RNF19B: variants seen among roughly 807,000 people sequenced by gnomAD.
RNF19B encodes ring finger protein 19B.
A neutral mutation model predicts 65.5 loss-of-function variants in RNF19B; 23 were observed. The ratio of observed to expected loss-of-function variants is 0.35; its 90% CI spans 0.25 to 0.50. The LOEUF (loss-of-function observed/expected upper bound fraction) is 0.50, where lower values mean the gene tolerates loss of function less well. Among genes scored for constraint, RNF19B ranks in the 20% least tolerant of loss-of-function variants. The pLI, the probability that RNF19B is intolerant of heterozygous loss-of-function variation, is 0.98. For missense variants in RNF19B, 794 were observed against 980.0 expected (o/e 0.81, Z 2.53); for synonymous variants, 372 against 379.6 (o/e 0.98, Z 0.23).
At chr1:32,937,297 G>T in intron 8 of RNF19B, 38 bp from the exon 9 acceptor site, 1 of 1,611,478 alleles carries the variant, frequency 6.2e-7, no homozygotes, top group East Asian at 2.2e-5. Context: ...GTCATGCATG[G>T]ATCATGCTAA....
intron 1 of RNF19B, among the ~76,000 whole-genome samples, chr1:32,959,361 TCA>T (rs1642716554): frequency 6.6e-6 from 1 of 152,196 alleles, no homozygotes; most frequent in Non-Finnish European, 1.5e-5. Flanking sequence ...TGCTCACCCG[TCA>T]GTCTCCTAGA....
intron 1 of RNF19B, among the ~76,000 whole-genome samples, chr1:32,950,269 G>A (rs1642463091): frequency 6.6e-6 from 1 of 151,924 alleles, no homozygotes. Flanking sequence ...CACCATGCCT[G>A]GCTATAAATT....
At position 32,936,585 on chromosome 1, in the gene RNF19B, T is replaced by G. The variant is rs1002508825; in HGVS notation, c.*221A>C. On this transcript the variant is annotated 3_prime_UTR_variant, in exon 9 of 9. Coordinates refer to ENST00000235150, the MANE Select transcript of RNF19B (RefSeq NM_001300826.2). ...ATCAGTTTAACCAATAAATTAAAAC[T>G]AAAAAGAGGGAGGGGAGGGGAGGGG... is the stretch of plus-strand genomic sequence containing the variant. 77 of 468,804 alleles carry G rather than the reference T, an allele frequency of 1.6e-4. No individual in the cohort carries two copies. The highest frequency in any genetic ancestry group is 5.5e-4 in the Middle Eastern group (1 of 1,824). The allele number at this position is 468,804 out of a possible 1,614,324, so 29.0% of individuals were successfully genotyped here.
chr1:32,956,741 AAG>A (rs1490544824), intron 1 of RNF19B, among the ~76,000 whole-genome samples: 5 of 129,850 alleles, frequency 3.9e-5, no homozygotes, highest in Non-Finnish European at 8.2e-5. Context: ...CAGCCCTGGA[AAG>A]AGATTTCCAT....
intron 1 of RNF19B, among the ~76,000 whole-genome samples, chr1:32,955,426 A>G (rs932034015): frequency 6.6e-6 from 1 of 151,960 alleles, no homozygotes; most frequent in Non-Finnish European, 1.5e-5. Flanking sequence ...TTCTTCCCGA[A>G]TAGTTGGAAA....
chr1:32,942,455 T>C lies in RNF19B; in HGVS notation c.1407A>G (p.Ala469=), dbSNP rs1642259359. The part of the protein sequence containing the change: ...FDEDDGPITV[A]DAWRALKNPS... ...GATTCTTGAGGGCTCTCCAGGCATC[T>C]GCCACTGGGGATAGAACCAAACATC... Residue 469 remains alanine, a synonymous_variant, in exon 7 of 9, where the codon GCA becomes GCG. Coordinates refer to ENST00000235150, the MANE Select transcript of RNF19B (RefSeq NM_001300826.2). The C allele has an allele frequency of 6.2e-7, 1 of 1,613,672 alleles. No individual in the cohort carries two copies. Among genetic ancestry groups the C allele is most frequent in the Non-Finnish European group, 8.5e-7 (1 of 1,179,586 alleles).
downstream of RNF19B, among the ~76,000 whole-genome samples, chr1:32,933,435 T>C (rs1642053571): frequency 6.6e-6 from 1 of 152,100 alleles, no homozygotes; most frequent in Non-Finnish European, 1.5e-5. Context: ...TGTGTATTTT[T>C]AGTAGAGACG....
At chr1:32,943,973 C>G in intron 6 of RNF19B, 46 bp downstream of exon 6, 4 of 1,563,814 alleles carry the variant, frequency 2.6e-6, no homozygotes, top group Non-Finnish European at 3.5e-6. Context: ...TGATTTTTAT[C>G]TTGTATATCA....
At chr1:32,951,418 C>T (rs922574068) in intron 1 of RNF19B, among the ~76,000 whole-genome samples, 1 of 152,224 alleles carries the variant, frequency 6.6e-6, no homozygotes, top group African/African-American at 2.4e-5. Context: ...GCACTCTTTG[C>T]ACTTGCAGGA....
At position 32,951,421 on chromosome 1, in the gene RNF19B, T is replaced by TTGCAGGAGCCGGCGCACA. The variant is rs572050552; in HGVS notation, c.636-1665_636-1648dup. On this transcript the variant is annotated intron_variant, in intron 1 of 8. Transcript: ENST00000235150. Reference sequence around the variant, plus strand: ...GGAGGTGCATTTGCACTCTTTGCACTTGCAGGAGCCGGCGCACATGCAGGA... The same window carrying TTGCAGGAGCCGGCGCACA: ...GGAGGTGCATTTGCACTCTTTGCACTTGCAGGAGCCGGCGCACATGCAGGAGCCGGCGCACATGCAGGA... Among the ~76,000 whole-genome samples the TTGCAGGAGCCGGCGCACA allele has an allele frequency of 6.5e-3, 995 of 152,318 alleles. 9 individuals carry two copies. Among genetic ancestry groups the TTGCAGGAGCCGGCGCACA allele is most frequent in the Non-Finnish European group, 9.3e-3 (636 of 68,022 alleles).
downstream of RNF19B, among the ~76,000 whole-genome samples, chr1:32,934,941 T>C (rs1320650405): frequency 6.6e-6 from 1 of 151,940 alleles, no homozygotes; most frequent in African/African-American, 2.4e-5. Context: ...CAAGTGATTC[T>C]CCTGCCTCAG....
Position 32,964,060 on chromosome 1 carries a change from G to A in RNF19B, c.626C>T (p.Pro209Leu), listed in dbSNP as rs1281812129. 6.6e-7 allele frequency: 1 copy of A among 1,509,610 alleles called. No individual in the cohort carries two copies. Among genetic ancestry groups the A allele is most frequent in the Admixed American group, 2.2e-5 (1 of 46,354 alleles). 93.5% of individuals were successfully genotyped at this position (1,509,610 alleles called of 1,614,324 possible). A position where few individuals can be genotyped will look rare whatever the true frequency, so the allele number is the denominator to read the frequency against. Residue 209 changes from proline (P) to leucine (L), a missense_variant, in exon 1 of 9, where the codon CCG becomes CTG. By Grantham distance (98) the Pro-to-Leu change is moderately conservative (BLOSUM62 -3). This residue lies in a region of RNF19B where 374 missense variants were observed against 423.8 expected (regional missense o/e 0.88). Transcript: ENST00000235150. The surrounding 1 kb of genome is among the most constrained non-coding windows in gnomAD (Gnocchi z 6.5). ...ACGCCCCCGCGCTCACCCGCAGTCC[G>A]GGGCCGGGCACCAGCGGCAGTCGGG... ...SDPDCRWCPA[P>L]DCGYAVIAYG...
chr1:32,949,478 T>C (rs1642438977), intron 2 of RNF19B, 91 bp downstream of exon 2: 3 of 1,060,686 alleles, frequency 2.8e-6, no homozygotes, highest in Non-Finnish European at 2.8e-6. Flanking sequence ...TTTGGAGTAC[T>C]TGGGTTATAC....
At chr1:32,941,821 G>A (rs927515093) in intron 7 of RNF19B, among the ~76,000 whole-genome samples, 3 of 151,948 alleles carry the variant, frequency 2.0e-5, no homozygotes, top group Non-Finnish European at 4.4e-5. Flanking sequence ...AAAAAGGCCT[G>A]TCGCAGTGAC....
chr1:32,946,572 G>T lies in RNF19B; in HGVS notation c.984-8C>A. ...AATGTACAGCCAGAGGGGCTGCAGG[G>T]GAAACAGACTGAAGTTAATGTCAAC... On this transcript the variant is annotated splice_polypyrimidine_tract_variant and splice_region_variant and intron_variant, in intron 3 of 8. Transcript: ENST00000235150. 6.2e-7 allele frequency: 1 copy of T among 1,611,638 alleles called. No homozygotes were observed. The highest frequency in any genetic ancestry group is 8.5e-7 in the Non-Finnish European group (1 of 1,178,828).
chr1:32,958,840 T>C (rs1344019382), intron 1 of RNF19B, among the ~76,000 whole-genome samples: 1 of 152,154 alleles, frequency 6.6e-6, no homozygotes, highest in Non-Finnish European at 1.5e-5. Flanking sequence ...TGAATAGTCT[T>C]AGGCAGGGGA....
intron 4 of RNF19B, 43 bp downstream of exon 4, chr1:32,946,359 C>T (rs760892264): frequency 6.3e-7 from 1 of 1,588,364 alleles, no homozygotes; most frequent in South Asian, 1.1e-5. Flanking sequence ...TACTAACGAA[C>T]CTAAAGTTGA....
At chr1:32,960,223 T>A (rs944416627) in intron 1 of RNF19B, among the ~76,000 whole-genome samples, 1 of 152,222 alleles carries the variant, frequency 6.6e-6, no homozygotes, top group Non-Finnish European at 1.5e-5. Context: ...GTGTTCTTGT[T>A]ATTATGAGTA....
Position 32,936,769 on chromosome 1 carries a change from C to A in RNF19B, c.*37G>T. The A allele has an allele frequency of 6.9e-7, 1 of 1,448,090 alleles. No individual in the cohort carries two copies. The highest frequency in any genetic ancestry group is 9.2e-7 in the Non-Finnish European group (1 of 1,089,716). The allele number at this position is 1,448,090 out of a possible 1,614,324, so 89.7% of individuals were successfully genotyped here. A position where few individuals can be genotyped will look rare whatever the true frequency, so the allele number is the denominator to read the frequency against. ...AAAAAAATTCCAAAAGATGCAGTTACAAGTGTGCTTCTCAGAACAGGAGCA... is the reference window on the plus strand; with the variant it reads ...AAAAAAATTCCAAAAGATGCAGTTAAAAGTGTGCTTCTCAGAACAGGAGCA... On this transcript the variant is annotated 3_prime_UTR_variant, in exon 9 of 9. Transcript: ENST00000235150.
Sources: allele counts gnomAD v4.1 joint callset (sites outside exome capture counted in the v4.1 genomes callset), GRCh38; gene constraint gnomAD v4.1.1; regional missense constraint gnomAD v4.1.1; non-coding constraint Gnocchi (gnomAD v3.1); transcripts MANE v1.5; gene names NCBI Gene and HGNC (gene_info 2026-07-23, HGNC 2026-07-21).